Variants in AFAP1L2 observed in about 807,000 individuals in gnomAD.
AFAP1L2 encodes the protein actin filament-associated protein 1-like 2.
A neutral mutation model predicts 99.3 loss-of-function variants in AFAP1L2; 46 were observed. The observed-to-expected ratio is 0.46, with a 90% CI of 0.37 to 0.59. AFAP1L2 has a LOEUF of 0.59. AFAP1L2 is among the 20% of genes least tolerant of loss of function. The pLI, the probability that AFAP1L2 is intolerant of heterozygous loss-of-function variation, is 0.00. For missense variants in AFAP1L2, 959 were observed against 1,034.9 expected (o/e 0.93, Z 1.01); for synonymous variants, 397 against 419.1 (o/e 0.95, Z 0.64).
At chr10:114,331,643 G>A (rs1254800584) in intron 4 of AFAP1L2, among the ~76,000 whole-genome samples, 160 bp downstream of exon 4, 5 of 151,844 alleles carry the variant, frequency 3.3e-5, no homozygotes, top group Non-Finnish European at 5.9e-5. Context: ...CTGTAGGCAG[G>A]TTTACTTTTG....
At chr10:114,395,456 GT>G (rs2057600122) in intron 1 of AFAP1L2, among the ~76,000 whole-genome samples, 2 of 152,160 alleles carry the variant, frequency 1.3e-5, no homozygotes, top group African/African-American at 4.8e-5. Context: ...TTGAATTTTA[GT>G]AAATCAGTTC....
rs12220287 is a variant in AFAP1L2 at position 114,315,787 on chromosome 10, T to A, written c.407-22A>T. On this transcript the variant is annotated intron_variant, in intron 5 of 18. Coordinates refer to ENST00000304129, the MANE Select transcript of AFAP1L2 (RefSeq NM_001001936.3). ...TCCTCTGCAAGGAAGACCAGCTCGG[T>A]CAGGGCCCCATGGGGCAGGGGACAG... 2.5e-6 allele frequency: 4 copies of A among 1,595,418 alleles called. No homozygotes were observed. In the East Asian group the frequency reaches 9.0e-5, roughly 36 times the overall value.
chr10:114,323,456 G>A (rs1056987388), intron 4 of AFAP1L2, among the ~76,000 whole-genome samples, 195 bp from the exon 5 acceptor site: 8 of 152,158 alleles, frequency 5.3e-5, no homozygotes, highest in African/African-American at 9.7e-5. Context: ...CTGTAGCCAC[G>A]GAAGGGCTGT....
chr10:114,360,839 A>G (rs904539097), intron 1 of AFAP1L2, among the ~76,000 whole-genome samples: 1 of 152,220 alleles, frequency 6.6e-6, no homozygotes, highest in African/African-American at 2.4e-5. Flanking sequence ...GTTGAGGGTC[A>G]GAAGTTCTCA....
At chr10:114,357,177 A>T (rs2051507707) in intron 1 of AFAP1L2, among the ~76,000 whole-genome samples, 1 of 152,180 alleles carries the variant, frequency 6.6e-6, no homozygotes, top group Non-Finnish European at 1.5e-5. Context: ...AATAGTTTGC[A>T]TTTGGCTCTT....
At chr10:114,350,707 T>C (rs550105621) in intron 1 of AFAP1L2, among the ~76,000 whole-genome samples, 33 of 152,224 alleles carry the variant, frequency 2.2e-4, no homozygotes, top group Admixed American at 1.8e-3. Context: ...GATGGTGCTC[T>C]GATGGGAGAA....
At chr10:114,401,823 G>C (rs1435236635) in intron 1 of AFAP1L2, among the ~76,000 whole-genome samples, 1 of 152,162 alleles carries the variant, frequency 6.6e-6, no homozygotes, top group African/African-American at 2.4e-5. Context: ...AAAATGATAG[G>C]CTATTTTTGG....
chr10:114,390,122 G>A (rs909545228), intron 1 of AFAP1L2, among the ~76,000 whole-genome samples: 5 of 152,320 alleles, frequency 3.3e-5, no homozygotes, highest in Middle Eastern at 3.4e-3. Context: ...AATTTTGAAT[G>A]ACTGTAAATG....
intron 6 of AFAP1L2, among the ~76,000 whole-genome samples, chr10:114,314,607 A>G (rs145034236): frequency 2.5e-3 from 384 of 152,370 alleles, no homozygotes; most frequent in African/African-American, 8.8e-3. Context: ...TAAAAGGATT[A>G]CTTGAAATAA....
intron 4 of AFAP1L2, among the ~76,000 whole-genome samples, chr10:114,324,444 G>T (rs2045929123): frequency 6.8e-6 from 1 of 147,024 alleles, no homozygotes; most frequent in African/African-American, 2.6e-5. Context: ...CAGAGATGGG[G>T]TTTCATCATG....
intron 1 of AFAP1L2, among the ~76,000 whole-genome samples, chr10:114,343,997 T>C (rs2049154706): frequency 6.6e-6 from 1 of 152,134 alleles, no homozygotes; most frequent in Admixed American, 6.5e-5. Context: ...AGGAGCGTGA[T>C]GATGGCAAAA....
chr10:114,336,280 G>C (rs1014053456), intron 2 of AFAP1L2, among the ~76,000 whole-genome samples: 1 of 152,250 alleles, frequency 6.6e-6, no homozygotes, highest in African/African-American at 2.4e-5. Flanking sequence ...GGGAGGCCAC[G>C]GACAGGCAGG....
chr10:114,334,422 G>A (rs1049674141), intron 2 of AFAP1L2, among the ~76,000 whole-genome samples: 4 of 152,194 alleles, frequency 2.6e-5, no homozygotes, highest in African/African-American at 7.2e-5. Context: ...GTTAGAGACC[G>A]CGTTACTGAG....
At chr10:114,382,857 A>G (rs558703392) in intron 1 of AFAP1L2, among the ~76,000 whole-genome samples, 62 of 152,226 alleles carry the variant, frequency 4.1e-4, no homozygotes, top group Admixed American at 8.5e-4. Context: ...AGCCTCCCAA[A>G]ATGCTAGGAT....
At chr10:114,319,361 G>C (rs1370083426) in intron 5 of AFAP1L2, among the ~76,000 whole-genome samples, 1 of 132,244 alleles carries the variant, frequency 7.6e-6, no homozygotes, top group African/African-American at 2.7e-5. Context: ...CATGTGTTTT[G>C]ATACCACATG....
intron 1 of AFAP1L2, chr10:114,393,534 G>A (rs1214620405): frequency 6.6e-6 from 1 of 152,222 alleles, no homozygotes. Context: ...CATTCATGAA[G>A]TAGAATCCCC....
At chr10:114,296,120 G>A (rs768528054) in intron 18 of AFAP1L2, 52 bp from the exon 19 acceptor site, 1 of 1,611,512 alleles carries the variant, frequency 6.2e-7, no homozygotes, top group South Asian at 1.1e-5. Flanking sequence ...AAGATAGTTA[G>A]TTATCCACTG....
chr10:114,349,732 G>A lies in AFAP1L2; in HGVS notation c.17-9001C>T, dbSNP rs138393363. On this transcript the variant is annotated intron_variant, in intron 1 of 18. Transcript: ENST00000304129. ...CTGCCTGCTTGAAACCCAGTAAACTGAGCCAAATGTAAATAACTTTCTCCA... is the reference window on the plus strand; with the variant it reads ...CTGCCTGCTTGAAACCCAGTAAACTAAGCCAAATGTAAATAACTTTCTCCA... Among the ~76,000 whole-genome samples the A allele has an allele frequency of 3.5e-3, 501 of 144,770 alleles. 4 individuals carry two copies. The highest frequency in any genetic ancestry group is 0.012 in the African/African-American group (482 of 39,276). The allele number at this position is 144,770 out of a possible 152,430, so 95.0% of individuals were successfully genotyped here.
In AFAP1L2 at chr10:114,383,702, A is replaced by G. The variant is rs144185642; in HGVS notation, c.16+20738T>C. Among the ~76,000 whole-genome samples the G allele has an allele frequency of 3.6e-3, 550 of 152,346 alleles. 3 individuals carry two copies. Among genetic ancestry groups the G allele is most frequent in the African/African-American group, 0.013 (522 of 41,576 alleles). On this transcript the variant is annotated intron_variant, in intron 1 of 18. Coordinates refer to ENST00000304129, the MANE Select transcript of AFAP1L2 (RefSeq NM_001001936.3). The stretch of plus-strand genomic sequence containing the variant: ...TAACTCCATCTGAAAAACCAAAAAC[A>G]ACAAAAAGAAGAGGAGAAAGGAAAA...
Sources: allele counts gnomAD v4.1 joint callset (sites outside exome capture counted in the v4.1 genomes callset), GRCh38; gene constraint gnomAD v4.1.1; transcripts MANE v1.5; gene names NCBI Gene and HGNC (gene_info 2026-07-23, HGNC 2026-07-21).